Variants in CCDC191 observed in about 807,000 individuals in gnomAD.
CCDC191 encodes coiled-coil domain-containing protein 191.
A neutral mutation model predicts 114.0 loss-of-function variants in CCDC191; 99 were observed. That is an observed-to-expected ratio of 0.87 (90% CI 0.74 to 1.03). The LOEUF (loss-of-function observed/expected upper bound fraction) is 1.03, where lower values mean the gene tolerates loss of function less well. Ranked by LOEUF, CCDC191 falls within the 50% of genes least tolerant of loss-of-function variation. The pLI is 0.00. For missense variants in CCDC191, 973 were observed against 1,087.0 expected (o/e 0.90, Z 1.47); for synonymous variants, 351 against 376.0 (o/e 0.93, Z 0.77).
chr3:113,965,663 C>T (rs188802639), intron 16 of CCDC191, among the ~76,000 whole-genome samples: 22 of 152,246 alleles, frequency 1.4e-4, no homozygotes, highest in African/African-American at 4.8e-4. Context: ...AATCTCGGCT[C>T]ACTGCAACCT....
At chr3:114,034,088 A>C (rs2076446304) in intron 6 of CCDC191, among the ~76,000 whole-genome samples, 1 of 152,350 alleles carries the variant, frequency 6.6e-6, no homozygotes, top group South Asian at 2.1e-4. Context: ...GATGGATAAT[A>C]GTACTACATC....
intron 4 of CCDC191, among the ~76,000 whole-genome samples, chr3:114,041,550 AGAG>A (rs776100774): frequency 1.3e-5 from 2 of 152,210 alleles, no homozygotes; most frequent in Non-Finnish European, 2.9e-5. Flanking sequence ...GTGTTCAGGC[AGAG>A]GATACATCAC....
intron 1 of CCDC191, among the ~76,000 whole-genome samples, chr3:114,055,922 T>A (rs2076768623): frequency 6.6e-6 from 1 of 151,752 alleles, no homozygotes; most frequent in Non-Finnish European, 1.5e-5. Flanking sequence ...TTTATTTAGA[T>A]ACTTTACGTA....
chr3:114,033,285 GAA>G (rs2076435070), intron 6 of CCDC191, among the ~76,000 whole-genome samples: 1 of 151,562 alleles, frequency 6.6e-6, no homozygotes, highest in African/African-American at 2.4e-5. Flanking sequence ...TTTCTACCCA[GAA>G]AAAAAGTCAG....
chr3:113,976,134 C>T (rs908574129), intron 16 of CCDC191, among the ~76,000 whole-genome samples: 11 of 152,030 alleles, frequency 7.2e-5, no homozygotes, highest in African/African-American at 2.2e-4. Flanking sequence ...CAGTACATGC[C>T]GTTAATCCCA....
intron 1 of CCDC191, chr3:114,054,327 T>C (rs1168728811): frequency 2.0e-5 from 3 of 152,220 alleles, no homozygotes; most frequent in Non-Finnish European, 2.9e-5. Context: ...GTTATCTTCT[T>C]TGCCAAAAAT....
intron 1 of CCDC191, chr3:114,054,342 G>A (rs542268626): frequency 6.6e-6 from 1 of 152,286 alleles, no homozygotes; most frequent in South Asian, 2.1e-4. Context: ...AAAAATGCAG[G>A]TGTGTTTTGG....
intron 16 of CCDC191, 51 bp downstream of exon 16, chr3:113,978,135 T>A (rs981915092): frequency 6.9e-6 from 11 of 1,599,890 alleles, no homozygotes; most frequent in Non-Finnish European, 9.4e-6. Flanking sequence ...AATATATTGC[T>A]GAGCAATTGT....
At chr3:113,966,580 C>T (rs928371167) in intron 16 of CCDC191, among the ~76,000 whole-genome samples, 7 of 152,100 alleles carry the variant, frequency 4.6e-5, no homozygotes, top group Admixed American at 1.3e-4. Context: ...GTAAAGGCAA[C>T]GAAGCGAGAA....
intron 3 of CCDC191, among the ~76,000 whole-genome samples, chr3:114,043,479 G>A (rs1446105932): frequency 3.3e-5 from 5 of 152,156 alleles, no homozygotes. Flanking sequence ...AGTAGGTAGA[G>A]GCCAGGGATG....
intron 13 of CCDC191, among the ~76,000 whole-genome samples, chr3:113,988,141 A>G (rs2075430244): frequency 1.3e-5 from 2 of 151,860 alleles, no homozygotes; most frequent in Non-Finnish European, 1.5e-5. Flanking sequence ...TAAGGTAGGG[A>G]AAAAAGAAAA....
intron 9 of CCDC191, among the ~76,000 whole-genome samples, chr3:114,009,447 T>A (rs1419255739): frequency 6.6e-6 from 1 of 152,284 alleles, no homozygotes; most frequent in Admixed American, 6.5e-5. Flanking sequence ...GGTTGTTTTT[T>A]AAAAAAATTT....
chr3:113,992,619 C>G (rs373267234), intron 13 of CCDC191, among the ~76,000 whole-genome samples: 3 of 151,952 alleles, frequency 2.0e-5, no homozygotes, highest in African/African-American at 7.3e-5. Flanking sequence ...GTAGATATAC[C>G]TAATGCTAAA....
chr3:114,055,653 C>T (rs2076762920), intron 1 of CCDC191, among the ~76,000 whole-genome samples: 1 of 152,338 alleles, frequency 6.6e-6, no homozygotes, highest in East Asian at 1.9e-4. Context: ...TTAGTACTCT[C>T]ATTTAGATTT....
intron 13 of CCDC191, among the ~76,000 whole-genome samples, chr3:113,996,943 A>G (rs2075738947): frequency 6.6e-6 from 1 of 152,138 alleles, no homozygotes; most frequent in African/African-American, 2.4e-5. Context: ...AACCTAGATG[A>G]TGGGTTGACA....
intron 13 of CCDC191, among the ~76,000 whole-genome samples, chr3:113,992,205 C>T (rs374965336): frequency 2.6e-5 from 4 of 152,140 alleles, no homozygotes; most frequent in Admixed American, 2.0e-4. Flanking sequence ...CACCCCTCCC[C>T]CAAGGCAGCA....
At chr3:113,992,624 G>T (rs2075605807) in intron 13 of CCDC191, among the ~76,000 whole-genome samples, 1 of 152,002 alleles carries the variant, frequency 6.6e-6, no homozygotes, top group South Asian at 2.1e-4. Flanking sequence ...TATACCTAAT[G>T]CTAAATGACG....
At chr3:114,048,433 C>T (rs1282144189) in intron 2 of CCDC191, among the ~76,000 whole-genome samples, 1 of 152,194 alleles carries the variant, frequency 6.6e-6, no homozygotes, top group Non-Finnish European at 1.5e-5. Flanking sequence ...CCACGCAGCC[C>T]TTTGTGAGCT....
At chr3:114,042,867 G>T in intron 3 of CCDC191, 21 bp from the exon 4 acceptor site, 1 of 1,577,108 alleles carries the variant, frequency 6.3e-7, no homozygotes, top group Non-Finnish European at 8.6e-7. Flanking sequence ...ACAAAAACAT[G>T]TTAAGTATTT....
Sources: allele counts gnomAD v4.1 joint callset (sites outside exome capture counted in the v4.1 genomes callset), GRCh38; gene constraint gnomAD v4.1.1; transcripts MANE v1.5; gene names NCBI Gene and HGNC (gene_info 2026-07-23, HGNC 2026-07-21).